Variants in ENTREP2 observed in about 807,000 individuals in gnomAD.
The protein encoded by ENTREP2 is endosomal transmembrane epsin interactor 2.
chr15:29,675,118 C>T, the ENTREP2 span: 16,103 of 152,952 alleles, frequency 0.11, 945 homozygotes, highest in South Asian at 0.18. Flanking sequence ...GGCCGCGGAT[C>T]TCCAGCACGC....
At chr15:29,519,765 G>A in the ENTREP2 span, among the ~76,000 whole-genome samples, 4 of 152,312 alleles carry the variant, frequency 2.6e-5, no homozygotes, top group South Asian at 8.3e-4. Context: ...GCCATCATAT[G>A]CCCTGTGACC....
the ENTREP2 span, among the ~76,000 whole-genome samples, chr15:29,146,623 A>G: frequency 6.6e-6 from 1 of 152,178 alleles, no homozygotes; most frequent in African/African-American, 2.4e-5. Flanking sequence ...GTGTATAACA[A>G]TGAACTCAAA....
chr15:29,605,987 T>C, the ENTREP2 span, among the ~76,000 whole-genome samples: 1 of 152,090 alleles, frequency 6.6e-6, no homozygotes, highest in African/African-American at 2.4e-5. Context: ...ATCCCTGTCT[T>C]CTCCCTCCCA....
the ENTREP2 span, among the ~76,000 whole-genome samples, chr15:29,183,137 C>G: frequency 6.6e-6 from 1 of 152,230 alleles, no homozygotes; most frequent in Non-Finnish European, 1.5e-5. Context: ...GAAAACTTCT[C>G]TATCACAAAT....
the ENTREP2 span, among the ~76,000 whole-genome samples, chr15:29,135,012 A>G: frequency 6.6e-6 from 1 of 152,046 alleles, no homozygotes; most frequent in Non-Finnish European, 1.5e-5. This position sits in a 1 kb window ranked among gnomAD's most constrained non-coding sequence, Gnocchi z 7.4. Context: ...GCTGCTGAGA[A>G]GCCCAAAGCA....
chr15:29,541,596 C>T, the ENTREP2 span, among the ~76,000 whole-genome samples: 4 of 152,104 alleles, frequency 2.6e-5, no homozygotes, highest in South Asian at 6.2e-4. Context: ...TTACTGGGAC[C>T]TCGGAGTCAG....
the ENTREP2 span, among the ~76,000 whole-genome samples, chr15:29,434,147 T>C: frequency 2.0e-5 from 3 of 152,202 alleles, no homozygotes; most frequent in African/African-American, 4.8e-5. Flanking sequence ...TTAGGATATA[T>C]CTTGAGTTTT....
At chr15:29,353,877 T>C in the ENTREP2 span, among the ~76,000 whole-genome samples, 1 of 152,078 alleles carries the variant, frequency 6.6e-6, no homozygotes, top group African/African-American at 2.4e-5. Flanking sequence ...CAGTAAGAAA[T>C]AGAGTCTGTA....
chr15:29,288,026 G>A, the ENTREP2 span, among the ~76,000 whole-genome samples: 6 of 152,218 alleles, frequency 3.9e-5, no homozygotes, highest in East Asian at 1.2e-3. Flanking sequence ...AATAGCCCAG[G>A]ATCAATTGGA....
chr15:29,542,555 C>T, the ENTREP2 span, among the ~76,000 whole-genome samples: 2 of 151,524 alleles, frequency 1.3e-5, no homozygotes, highest in African/African-American at 2.4e-5. Context: ...CCGCCCACCT[C>T]GGCCTCCCAA....
chr15:29,667,451 G>A, the ENTREP2 span, among the ~76,000 whole-genome samples: 6 of 143,230 alleles, frequency 4.2e-5, no homozygotes, highest in Non-Finnish European at 9.0e-5. Flanking sequence ...GCCTCCCAAA[G>A]TTCTGGGATT....
chr15:29,672,798 G>T, the ENTREP2 span, among the ~76,000 whole-genome samples: 1 of 152,070 alleles, frequency 6.6e-6, no homozygotes, highest in Admixed American at 6.5e-5. Flanking sequence ...AATGCTGATT[G>T]GTTGGGTAGA....
At chr15:29,235,052 C>T in the ENTREP2 span, 2 of 1,145,322 alleles carry the variant, frequency 1.7e-6, no homozygotes, top group Non-Finnish European at 2.6e-6. Flanking sequence ...CAGGTAGTGG[C>T]CCCACAGCCA....
the ENTREP2 span, among the ~76,000 whole-genome samples, chr15:29,424,608 G>A: frequency 7.4e-4 from 113 of 152,272 alleles, no homozygotes; most frequent in African/African-American, 2.6e-3. Context: ...CCCAACACCA[G>A]GTCATCCACA....
the ENTREP2 span, among the ~76,000 whole-genome samples, chr15:29,177,676 C>T: frequency 6.6e-5 from 10 of 152,238 alleles, no homozygotes; most frequent in East Asian, 5.8e-4. Context: ...CATCAAGCCA[C>T]GGCAGAGCTG....
chr15:29,130,784 C>T, the ENTREP2 span, among the ~76,000 whole-genome samples: 2 of 152,140 alleles, frequency 1.3e-5, no homozygotes, highest in Non-Finnish European at 2.9e-5. Flanking sequence ...CACCTTGCCA[C>T]GCTAAGCCAT....
At chr15:29,293,747 C>T in the ENTREP2 span, among the ~76,000 whole-genome samples, 1 of 152,078 alleles carries the variant, frequency 6.6e-6, no homozygotes, top group Non-Finnish European at 1.5e-5. Context: ...GGAAGTTGGC[C>T]ATGCTGAGCA....
the ENTREP2 span, among the ~76,000 whole-genome samples, chr15:29,474,437 G>A: frequency 8.5e-5 from 13 of 152,266 alleles, no homozygotes; most frequent in African/African-American, 2.4e-4. Context: ...AATGACTACG[G>A]TTCAGGTTCA....
the ENTREP2 span, among the ~76,000 whole-genome samples, chr15:29,450,552 G>A: frequency 6.6e-6 from 1 of 152,142 alleles, no homozygotes. Context: ...GGAAAGCAGT[G>A]TGGCAATTCC....
Sources: gnomAD v4.1 joint callset for allele counts (sites outside exome capture counted in the v4.1 genomes callset) on GRCh38, gnomAD v4.1.1 for gene constraint, Gnocchi (gnomAD v3.1) non-coding constraint, MANE v1.5 for transcripts, NCBI Gene and HGNC (gene_info 2026-07-23, HGNC 2026-07-21) for gene names.